SEPTIN4: variants seen among roughly 807,000 people sequenced by gnomAD.
The protein encoded by SEPTIN4 is septin 4, also known as septin-4.
A neutral mutation model predicts 107.1 loss-of-function variants in SEPTIN4; 52 were observed. That is an observed-to-expected ratio of 0.49 (90% CI 0.39 to 0.61). The LOEUF is 0.61. Ranked by LOEUF, SEPTIN4 falls within the 20% of genes least tolerant of loss-of-function variation. The probability of loss-of-function intolerance (pLI) is 0.00; values close to 1 mark genes in which losing one functional copy is unlikely to be tolerated. For synonymous variants in SEPTIN4, 417 were observed against 467.0 expected, an observed-to-expected ratio of 0.89 and a Z score of 1.38; for missense variants, 1,048 against 1,243.5, an observed-to-expected ratio of 0.84 and a Z score of 2.36.
At chr17:58,529,858 T>C (rs2043312864) in intron 3 of SEPTIN4, 1 of 152,072 alleles carries the variant, frequency 6.6e-6, no homozygotes. Context: ...TGCTCCTAAA[T>C]TTCCCTGCAG....
chr17:58,533,854 G>C (rs757967496), intron 3 of SEPTIN4, among the ~76,000 whole-genome samples: 1 of 152,198 alleles, frequency 6.6e-6, no homozygotes, highest in African/African-American at 2.4e-5. Context: ...TACCTCTTGC[G>C]TGCTTCCAGA....
At chr17:58,535,808 G>T (rs1336515020) in intron 3 of SEPTIN4, among the ~76,000 whole-genome samples, 2 of 152,124 alleles carry the variant, frequency 1.3e-5, no homozygotes, top group Non-Finnish European at 2.9e-5. Context: ...TGTTTTTCTG[G>T]GTGTCCAGGC....
rs1346865047 is a variant in SEPTIN4, at chr17:58,526,565, C to CACAA, written c.1911+116_1911+117insTTGT. ...GACTGAAATAGGTCCCAGATACACA[C>CACAA]ACACACAAACACACACACACACACA... On this transcript the variant is annotated intron_variant, in intron 4 of 13. Coordinates refer to ENST00000672673, the MANE Select transcript of SEPTIN4 (RefSeq NM_001368771.2). 46 of 1,410,574 alleles carry CACAA rather than the reference C, an allele frequency of 3.3e-5. No homozygotes were observed. In the East Asian group the frequency reaches 5.2e-4, roughly 16 times the overall value. The allele number at this position is 1,410,574 out of a possible 1,614,324, so 87.4% of individuals were successfully genotyped here.
At chr17:58,540,569 TC>T in intron 3 of SEPTIN4, 96 bp downstream of exon 3, 1 of 999,710 alleles carries the variant, frequency 1.0e-6, no homozygotes, top group South Asian at 3.0e-5. Context: ...CAGCTCTGTC[TC>T]CCTCCATGCC....
intron 3 of SEPTIN4, among the ~76,000 whole-genome samples, chr17:58,533,444 A>G (rs1468789238): frequency 6.6e-6 from 1 of 152,168 alleles, no homozygotes; most frequent in African/African-American, 2.4e-5. Context: ...CAGTGGGGGA[A>G]GGAGGATATG....
intron 2 of SEPTIN4, 66 bp from the exon 3 acceptor site, chr17:58,540,739 TAGG>T (rs2043857833): frequency 3.1e-6 from 4 of 1,298,104 alleles, no homozygotes; most frequent in Non-Finnish European, 3.9e-6. Flanking sequence ...AGAGTGCCAA[TAGG>T]AGGAGAAAAA....
intron 3 of SEPTIN4, among the ~76,000 whole-genome samples, chr17:58,535,039 G>A (rs1407199183): frequency 6.6e-6 from 1 of 152,250 alleles, no homozygotes; most frequent in African/African-American, 2.4e-5. Context: ...CAGTGAGATA[G>A]ATGAGTCACT....
Position 58,521,136 on chromosome 17 carries a change from A to G in SEPTIN4, c.2693T>C (p.Phe898Ser). ...TACCAGCATTGTCCTCAGCTTCACA[A>G]AGTCGCAGTGCCCTGGGTTTTCCAC... ...VEVENPGHCD[F>S]VKLRTMLVRT... is the part of the protein sequence containing the mutation. Residue 898 changes from phenylalanine (F) to serine (S), a missense_variant, in exon 12 of 14, where the codon TTT (phenylalanine) becomes TCT (serine). Phe to Ser is a radical substitution (Grantham distance 155, BLOSUM62 -2). This residue lies in a region of SEPTIN4 where 261 missense variants were observed against 371.7 expected (regional missense o/e 0.70). Transcript: ENST00000672673. The surrounding 1 kb of genome is among the most constrained non-coding windows in gnomAD (Gnocchi z 6.4). The G allele has an allele frequency of 5.0e-6, 8 of 1,614,072 alleles. No homozygotes were observed. The highest frequency in any genetic ancestry group is 6.8e-6 in the Non-Finnish European group (8 of 1,180,000).
At chr17:58,523,369 CAA>C (rs375194184) in intron 7 of SEPTIN4, among the ~76,000 whole-genome samples, 18 of 95,468 alleles carry the variant, frequency 1.9e-4, no homozygotes, top group Admixed American at 5.9e-4. Flanking sequence ...GAACCAGTCT[CAA>C]AAAAAAAAAA....
In SEPTIN4 at chr17:58,520,344, C is replaced by A. The variant is rs1000139594; in HGVS notation, c.*82G>T. The stretch of plus-strand genomic sequence containing the variant: ...GGCGAAGTGGCAGTAGCTGAAGGGG[C>A]CTGAGCAGAGCTGGTGCTGGGAGGG... On this transcript the variant is annotated 3_prime_UTR_variant, in exon 14 of 14. Coordinates refer to ENST00000672673, the MANE Select transcript of SEPTIN4 (RefSeq NM_001368771.2). The A allele has an allele frequency of 1.5e-6, 2 of 1,330,756 alleles. No homozygotes were observed. Among genetic ancestry groups the A allele is most frequent in the African/African-American group, 1.4e-5 (1 of 69,386 alleles). The allele number at this position is 1,330,756 out of a possible 1,614,324, so 82.4% of individuals were successfully genotyped here. A position where few individuals can be genotyped will look rare whatever the true frequency, so the allele number is the denominator to read the frequency against.
rs984656443 is a variant in SEPTIN4, at chr17:58,525,751, A to G, written c.2036T>C (p.Val679Ala). Residue 679 changes from valine to alanine, a missense_variant, in exon 6 of 14, where the codon GTC becomes GCC. By Grantham distance (64) the Val-to-Ala change is moderately conservative. This residue lies in a region of SEPTIN4 where 787 missense variants were observed against 871.8 expected (regional missense o/e 0.90). Transcript: ENST00000672673. ...GESGLGKSTL[V>A]NSLFLTDLYR... The stretch of plus-strand genomic sequence containing the variant: ...CAGATCAGTGAGGAAGAGGCTATTG[A>G]CAAGTGTGGATTTGCCCAGGCCAGA... The G allele has an allele frequency of 3.1e-6, 5 of 1,614,054 alleles. No individual in the cohort carries two copies. In the South Asian group the frequency reaches 4.4e-5, roughly 14 times the overall value.
At chr17:58,541,561 G>A (rs148229730) in intron 2 of SEPTIN4, 159 of 395,584 alleles carry the variant, frequency 4.0e-4, no homozygotes, top group Middle Eastern at 7.1e-4. Context: ...CTGAATTAGC[G>A]TGAAGTCAAC....
rs542847891 is a variant in SEPTIN4 at position 58,542,833 on chromosome 17, A to G, written c.1354T>C (p.Ser452Pro). The change falls in exon 1 of 14, where the codon TCT becomes CCT. Residue 452 changes from serine (S) to proline (P), a missense_variant. By Grantham distance (74) the Ser-to-Pro change is moderately conservative. Around this residue, in one of 2 missense-constraint regions of SEPTIN4, gnomAD observed 787 missense variants for 871.8 expected, o/e 0.90. Coordinates refer to ENST00000672673, the MANE Select transcript of SEPTIN4 (RefSeq NM_001368771.2). ...LTTPDFEPKC[S>P]PSLDLLLSGF... ...GACAATAAAAGATCTAGGGAAGGAG[A>G]GCACTTAGGCTCAAAATCCGGTGTT... is the stretch of plus-strand genomic sequence containing the variant. 5 of 1,614,062 alleles carry G rather than the reference A, an allele frequency of 3.1e-6. No individual in the cohort carries two copies. The South Asian group carries it at 5.5e-5, about 18-fold the overall frequency.
At chr17:58,531,708 C>A (rs1395870074) in intron 3 of SEPTIN4, 8 of 221,794 alleles carry the variant, frequency 3.6e-5, no homozygotes, top group Admixed American at 2.9e-4. Context: ...GGACCCACCC[C>A]TTCGTCCTAG....
intron 3 of SEPTIN4, chr17:58,529,245 C>G (rs2043248211): frequency 6.2e-7 from 1 of 1,613,526 alleles, no homozygotes; most frequent in Non-Finnish European, 8.5e-7. Context: ...GTTCCTCACA[C>G]ACAGAAACAG....
chr17:58,539,502 A>T (rs2043820411), intron 3 of SEPTIN4, among the ~76,000 whole-genome samples: 1 of 151,584 alleles, frequency 6.6e-6, no homozygotes, highest in Non-Finnish European at 1.5e-5. Context: ...CTCCCTGCAG[A>T]CTCCCTCTCT....
intron 3 of SEPTIN4, chr17:58,532,122 C>T: frequency 1.9e-6 from 2 of 1,049,898 alleles, no homozygotes; most frequent in Non-Finnish European, 2.3e-6. Context: ...CGAGTCGGCC[C>T]CGGGGCGGGG....
chr17:58,543,941 T>G lies in SEPTIN4; in HGVS notation c.246A>C (p.Val82=), dbSNP rs1275404871. 6.2e-7 allele frequency: 1 copy of G among 1,613,988 alleles called. No individual in the cohort carries two copies. The highest frequency in any genetic ancestry group is 8.5e-7 in the Non-Finnish European group (1 of 1,179,950). ...CAGTCTCGGGTCCCCGAGGAGTGGG[T>G]ACTGCATAGTGTCCAGGTCCTGACT... is the stretch of plus-strand genomic sequence containing the variant. ...SLQSGPGHYA[V]PTPRGPETGP... The change falls in exon 1 of 14, where the codon GTA becomes GTC. Residue 82 remains valine, a synonymous_variant. Coordinates refer to ENST00000672673, the MANE Select transcript of SEPTIN4 (RefSeq NM_001368771.2).
chr17:58,540,635 A>C, intron 3 of SEPTIN4, 31 bp downstream of exon 3: 1 of 1,340,650 alleles, frequency 7.5e-7, no homozygotes, highest in East Asian at 3.1e-5. Flanking sequence ...GCCCAGGAAG[A>C]CTGGGAGTAA....
Sources: allele counts gnomAD v4.1 joint callset (sites outside exome capture counted in the v4.1 genomes callset), GRCh38; gene constraint gnomAD v4.1.1; regional missense constraint gnomAD v4.1.1; non-coding constraint Gnocchi (gnomAD v3.1); transcripts MANE v1.5; gene names NCBI Gene and HGNC (gene_info 2026-07-23, HGNC 2026-07-21).